NTM: variants seen among roughly 807,000 people sequenced by gnomAD.
NTM encodes IgLON family member 2.
A neutral mutation model predicts 42.1 loss-of-function variants in NTM; 13 were observed. The ratio of observed to expected loss-of-function variants is 0.31; its 90% CI spans 0.20 to 0.49. The LOEUF (loss-of-function observed/expected upper bound fraction) is 0.49, where lower values mean the gene tolerates loss of function less well. Among genes scored for constraint, NTM ranks in the 20% least tolerant of loss-of-function variants. The pLI, the probability that NTM is intolerant of heterozygous loss-of-function variation, is 0.99. For synonymous variants in NTM, 187 were observed against 179.2 expected (o/e 1.04, Z -0.35); for missense variants, 373 against 452.8 (o/e 0.82, Z 1.60).
intron 2 of NTM, among the ~76,000 whole-genome samples, chr11:131,944,336 T>A (rs1188386526): frequency 6.6e-6 from 1 of 152,218 alleles, no homozygotes; most frequent in African/African-American, 2.4e-5. Context: ...CGGCGCTGAT[T>A]AGTGGTGAGC....
chr11:132,282,225 C>A (rs1257381296), intron 4 of NTM, among the ~76,000 whole-genome samples: 2 of 152,076 alleles, frequency 1.3e-5, no homozygotes, highest in Admixed American at 6.5e-5. Context: ...AATAAATTGC[C>A]GTATTGACTG....
intron 2 of NTM, among the ~76,000 whole-genome samples, chr11:131,962,461 C>T (rs79056208): frequency 2.4e-4 from 37 of 152,240 alleles, no homozygotes; most frequent in African/African-American, 8.2e-4. Flanking sequence ...TGCCTTTATA[C>T]GAAGAGACAC....
intron 1 of NTM, among the ~76,000 whole-genome samples, chr11:131,857,815 A>G (rs901490525): frequency 6.6e-6 from 1 of 152,010 alleles, no homozygotes; most frequent in Non-Finnish European, 1.5e-5. Context: ...CCCACCTCCA[A>G]TCATCCTCCC....
In NTM at chr11:131,540,422, C is replaced by T. The variant is rs191624216; in HGVS notation, c.82+169534C>T. The T allele has an allele frequency of 1.1e-4, 16 of 152,180 alleles. No individual in the cohort carries two copies. In the East Asian group the frequency reaches 3.1e-3, roughly 30 times the overall value. The allele number at this position is 152,180 out of a possible 1,614,324, so 9.4% of individuals were successfully genotyped here. A position where few individuals can be genotyped will look rare whatever the true frequency, so the allele number is the denominator to read the frequency against. On this transcript the variant is annotated intron_variant, in intron 1 of 8. Transcript: ENST00000683400. ...CCTCATGATTCATCTGCCTCGGCCT[C>T]CTAAAGTATTGGGATTACAGGTGTG...
chr11:132,197,731 G>A (rs1187406009), intron 3 of NTM, among the ~76,000 whole-genome samples: 2 of 144,398 alleles, frequency 1.4e-5, no homozygotes, highest in Middle Eastern at 3.7e-3. Context: ...TCCCACCTAC[G>A]AGTGAGAACA....
At chr11:131,903,389 C>A (rs2053440757) in intron 1 of NTM, among the ~76,000 whole-genome samples, 1 of 152,120 alleles carries the variant, frequency 6.6e-6, no homozygotes, top group African/African-American at 2.4e-5. Context: ...TAAATAAATG[C>A]CAGTTAAATA....
chr11:132,134,589 G>A (rs1056816601), intron 2 of NTM, among the ~76,000 whole-genome samples: 1 of 150,296 alleles, frequency 6.7e-6, no homozygotes, highest in African/African-American at 2.5e-5. Context: ...TGACTCATAT[G>A]ACATTTGGTT....
intron 1 of NTM, among the ~76,000 whole-genome samples, chr11:131,733,380 G>T (rs1438316204): frequency 6.6e-6 from 1 of 151,810 alleles, no homozygotes; most frequent in Non-Finnish European, 1.5e-5. Flanking sequence ...TCATTTCCTG[G>T]ATTTTCCCCC....
At position 132,044,849 on chromosome 11, in the gene NTM, A is replaced by G. The variant is rs182491014; in HGVS notation, c.168-101433A>G. On this transcript the variant is annotated intron_variant, in intron 2 of 8. Transcript: ENST00000683400. ...AACCAGGAAGAAATTGAATCCTTGA[A>G]TAGACCAATAACGAGTTCTGAAATT... Among the ~76,000 whole-genome samples, 16 of 152,318 alleles carry G rather than the reference A, an allele frequency of 1.1e-4. No homozygotes were observed. The East Asian group carries it at 2.9e-3, about 28-fold the overall frequency.
intron 1 of NTM, among the ~76,000 whole-genome samples, chr11:131,528,423 C>A (rs1052083416): frequency 6.6e-6 from 1 of 152,162 alleles, no homozygotes; most frequent in Non-Finnish European, 1.5e-5. Flanking sequence ...GAGAGGTGTT[C>A]TTCTTATCTG....
intron 1 of NTM, among the ~76,000 whole-genome samples, chr11:131,418,454 T>C (rs913147671): frequency 1.3e-5 from 2 of 152,226 alleles, no homozygotes; most frequent in Non-Finnish European, 2.9e-5. Flanking sequence ...GTCTCCTTTG[T>C]TTCCCATCTT....
intron 2 of NTM, among the ~76,000 whole-genome samples, chr11:131,937,802 G>A (rs1236714143): frequency 6.6e-6 from 1 of 152,146 alleles, no homozygotes; most frequent in Non-Finnish European, 1.5e-5. Flanking sequence ...ATAATAAAGG[G>A]CAGGAGGTAT....
At chr11:132,123,304 A>G (rs1202303431) in intron 2 of NTM, among the ~76,000 whole-genome samples, 1 of 152,292 alleles carries the variant, frequency 6.6e-6, no homozygotes, top group South Asian at 2.1e-4. Flanking sequence ...GAGAAGGGGT[A>G]GTTAGAAGAG....
intron 1 of NTM, among the ~76,000 whole-genome samples, chr11:131,428,215 C>A (rs1169285784): frequency 6.6e-6 from 1 of 152,180 alleles, no homozygotes; most frequent in Non-Finnish European, 1.5e-5. Flanking sequence ...CACCTGGCGG[C>A]CCAAGCTGAA....
At chr11:132,285,904 C>G (rs1166789366) in intron 4 of NTM, among the ~76,000 whole-genome samples, 2 of 152,160 alleles carry the variant, frequency 1.3e-5, no homozygotes, top group African/African-American at 4.8e-5. Flanking sequence ...GCTAATGTAG[C>G]CACTCTAGCT....
intron 2 of NTM, chr11:131,984,594 C>A (rs1293563372): frequency 1.3e-5 from 2 of 152,136 alleles, no homozygotes; most frequent in Non-Finnish European, 2.9e-5. Context: ...TACTTGGGGG[C>A]TGAATGAATT....
chr11:131,917,401 A>T (rs1179655046), intron 2 of NTM, among the ~76,000 whole-genome samples: 1 of 152,206 alleles, frequency 6.6e-6, no homozygotes, highest in Admixed American at 6.5e-5. Context: ...AATACATAGA[A>T]GTCATTGAAC....
At chr11:132,053,479 G>C (rs573004356) in intron 2 of NTM, among the ~76,000 whole-genome samples, 1 of 152,306 alleles carries the variant, frequency 6.6e-6, no homozygotes, top group East Asian at 1.9e-4. Flanking sequence ...TCATGCTACA[G>C]AGACTCTCTA....
At chr11:131,907,198 T>A (rs958418912) in intron 1 of NTM, among the ~76,000 whole-genome samples, 2 of 152,194 alleles carry the variant, frequency 1.3e-5, no homozygotes, top group African/African-American at 4.8e-5. Context: ...CCTCTTTTCG[T>A]CTCTTGTGTG....
Sources: gnomAD v4.1 joint callset for allele counts (sites outside exome capture counted in the v4.1 genomes callset) on GRCh38, gnomAD v4.1.1 for gene constraint, MANE v1.5 for transcripts, NCBI Gene and HGNC (gene_info 2026-07-23, HGNC 2026-07-21) for gene names.